The following ZNF396 variants were observed in gnomAD, a reference collection of about 807,000 sequenced individuals.
The protein encoded by ZNF396 is zinc finger protein 396.
In ZNF396, 14 loss-of-function variants were observed where a neutral mutation model predicts 20.5. The ratio of observed to expected loss-of-function variants is 0.68; its 90% CI spans 0.45 to 1.07. The LOEUF is 1.07. ZNF396 is among the 50% of genes least tolerant of loss of function. The pLI is 0.00. For synonymous variants in ZNF396, 119 were observed against 140.6 expected (o/e 0.85, Z 1.08); for missense variants, 347 against 390.1 (o/e 0.89, Z 0.93).
intron 3 of ZNF396, among the ~76,000 whole-genome samples, chr18:35,371,290 C>T (rs745969522): frequency 6.6e-6 from 1 of 151,992 alleles, no homozygotes; most frequent in Non-Finnish European, 1.5e-5. Context: ...ACTAAATAAA[C>T]CTAACTTGAA....
In ZNF396 at chr18:35,377,274, T is replaced by C. The variant is rs1203254111; in HGVS notation, c.-73+4A>G. On this transcript the variant is annotated splice_donor_region_variant and intron_variant, in intron 1 of 3. Transcript: ENST00000589332. Reference sequence around the variant, plus strand: ...GGGGGCCCTAAAGAGGCCTCGGGTCTCACCTCCCGACGCCGTCGGGGAGAA... The same window carrying C: ...GGGGGCCCTAAAGAGGCCTCGGGTCCCACCTCCCGACGCCGTCGGGGAGAA... 1 of 151,876 alleles carries C rather than the reference T, an allele frequency of 6.6e-6. No homozygotes were observed. The highest frequency in any genetic ancestry group is 1.5e-5 in the Non-Finnish European group (1 of 67,950). The allele number at this position is 151,876 out of a possible 1,614,324, so 9.4% of individuals were successfully genotyped here.
At chr18:35,373,335 C>T in intron 3 of ZNF396, 121 bp downstream of exon 3, 10 of 1,194,030 alleles carry the variant, frequency 8.4e-6, no homozygotes, top group South Asian at 7.2e-5. Flanking sequence ...ACAGAAGTTC[C>T]CACAGTAAGG....
In ZNF396 at chr18:35,374,279, A is replaced by G. The variant is rs1258100157; in HGVS notation, c.14T>C (p.Leu5Ser). MSAK[L>S]GKSSSLLTQT... ...TGTTAGGAGTGATGATGACTTTCCC[A>G]ATTTTGCAGACATTTTGACAGACAA... The change falls in exon 2 of 4, where the codon TTG becomes TCG. Residue 5 changes from leucine to serine, a missense_variant. Coordinates refer to ENST00000589332, the MANE Select transcript of ZNF396 (RefSeq NM_001322286.2). The surrounding 1 kb of genome is among the most constrained non-coding windows in gnomAD (Gnocchi z 4.3). 1 of 1,613,454 alleles carries G rather than the reference A, an allele frequency of 6.2e-7. No individual in the cohort carries two copies. The highest frequency in any genetic ancestry group is 1.1e-5 in the South Asian group (1 of 91,056).
chr18:35,369,723 A>G, intron 3 of ZNF396, 63 bp from the exon 4 acceptor site: 1 of 1,437,950 alleles, frequency 7.0e-7, no homozygotes, highest in South Asian at 1.4e-5. Context: ...AATATACATG[A>G]TTATTGCTAG....
chr18:35,376,454 A>G (rs2045258443), intron 1 of ZNF396, among the ~76,000 whole-genome samples: 1 of 152,200 alleles, frequency 6.6e-6, no homozygotes, highest in African/African-American at 2.4e-5. Flanking sequence ...GCCAAGGGCA[A>G]AGCTGGGGTC....
chr18:35,373,820 T>C lies in ZNF396; in HGVS notation c.417+56A>G. 1.1e-5 allele frequency: 17 copies of C among 1,560,054 alleles called. 1 individual carries two copies. The highest frequency in any genetic ancestry group is 4.9e-5 in the South Asian group (4 of 81,944). On this transcript the variant is annotated intron_variant, in intron 2 of 3. Coordinates refer to ENST00000589332, the MANE Select transcript of ZNF396 (RefSeq NM_001322286.2). The stretch of plus-strand genomic sequence containing the variant: ...AGTTTGAGAGCTCTACTCCCAATGA[T>C]GTGCCAGTGCTCTTGACTCAGCCTG...
chr18:35,371,127 T>C (rs1477595963), intron 3 of ZNF396, among the ~76,000 whole-genome samples: 1 of 152,178 alleles, frequency 6.6e-6, no homozygotes, highest in African/African-American at 2.4e-5. Context: ...TTTTACTCTT[T>C]AGAATTTACT....
intron 2 of ZNF396, 82 bp downstream of exon 2, chr18:35,373,792 TAC>T (rs1237399259): frequency 6.5e-6 from 10 of 1,532,250 alleles, no homozygotes; most frequent in African/African-American, 1.4e-5. Flanking sequence ...TGAGTGGGAA[TAC>T]AGTTTGAGAG....
chr18:35,373,722 G>T, intron 2 of ZNF396, 122 bp from the exon 3 acceptor site: 1 of 1,497,858 alleles, frequency 6.7e-7, no homozygotes, highest in Non-Finnish European at 9.0e-7. Flanking sequence ...AAAAAGTAGA[G>T]CCACCTTCTA....
chr18:35,371,281 C>G (rs2045175915), intron 3 of ZNF396, among the ~76,000 whole-genome samples: 1 of 152,086 alleles, frequency 6.6e-6, no homozygotes, highest in Non-Finnish European at 1.5e-5. Flanking sequence ...CTGCAGCAAA[C>G]TAAATAAACC....
intron 1 of ZNF396, among the ~76,000 whole-genome samples, chr18:35,375,816 C>T (rs1325070274): frequency 2.6e-5 from 4 of 152,282 alleles, no homozygotes; most frequent in Middle Eastern, 3.4e-3. Flanking sequence ...GATCTTGGCT[C>T]ACTGCAACCT....
At position 35,366,864 on chromosome 18, in the gene ZNF396, C is replaced by G. The variant is rs576542899; in HGVS notation, c.*2351G>C. The G allele has an allele frequency of 6.6e-5, 10 of 152,284 alleles. No homozygotes were observed. Among genetic ancestry groups the G allele is most frequent in the African/African-American group, 2.2e-4 (9 of 41,562 alleles). 9.4% of individuals were successfully genotyped at this position (152,284 alleles called of 1,614,324 possible). A position where few individuals can be genotyped will look rare whatever the true frequency, so the allele number is the denominator to read the frequency against. On this transcript the variant is annotated 3_prime_UTR_variant, in exon 4 of 4. Transcript: ENST00000589332. Reference sequence around the variant, plus strand: ...ATAATTCAAAGTACACAGAGACACCCTTTAAAGATTCATCATATACTTAGA... The same window carrying G: ...ATAATTCAAAGTACACAGAGACACCGTTTAAAGATTCATCATATACTTAGA...
intron 1 of ZNF396, among the ~76,000 whole-genome samples, chr18:35,376,930 G>A (rs988249974): frequency 2.0e-5 from 3 of 152,078 alleles, no homozygotes; most frequent in African/African-American, 7.3e-5. Flanking sequence ...GGCTCTGGGA[G>A]GGCTGGCTTC....
At chr18:35,375,541 T>G (rs2045245154) in intron 1 of ZNF396, among the ~76,000 whole-genome samples, 1 of 152,144 alleles carries the variant, frequency 6.6e-6, no homozygotes, top group South Asian at 2.1e-4. Flanking sequence ...AAGAGCAAAT[T>G]CTGTCTTGCT....
chr18:35,369,728 T>C, intron 3 of ZNF396, 68 bp from the exon 4 acceptor site: 1 of 1,420,192 alleles, frequency 7.0e-7, no homozygotes, highest in Non-Finnish European at 9.5e-7. Flanking sequence ...ACATGATTAT[T>C]GCTAGCATGT....
At chr18:35,371,468 T>C (rs1429272069) in intron 3 of ZNF396, among the ~76,000 whole-genome samples, 1 of 152,216 alleles carries the variant, frequency 6.6e-6, no homozygotes, top group Non-Finnish European at 1.5e-5. Context: ...TTATTTCTTA[T>C]AGTTATGGAG....
At position 35,368,799 on chromosome 18, in the gene ZNF396, T is replaced by C; in HGVS notation, c.*416A>G. On this transcript the variant is annotated 3_prime_UTR_variant, in exon 4 of 4. Transcript: ENST00000589332. ...TAATTTTTGGTCTTTAGAATTCTAG[T>C]GCTCAAGTTATGAAATGGAGGAGAA... 2 of 992,908 alleles carry C rather than the reference T, an allele frequency of 2.0e-6. No homozygotes were observed. The highest frequency in any genetic ancestry group is 2.4e-6 in the Non-Finnish European group (2 of 835,318). The allele number at this position is 992,908 out of a possible 1,614,324, so 61.5% of individuals were successfully genotyped here.
In ZNF396 at chr18:35,374,166, T is replaced by C. The variant is rs1233170136; in HGVS notation, c.127A>G (p.Ser43Gly). The C allele has an allele frequency of 6.2e-7, 1 of 1,614,240 alleles. No homozygotes were observed. The highest frequency in any genetic ancestry group is 2.2e-5 in the East Asian group (1 of 44,886). The part of the protein sequence containing the change: ...TCDPDSSLHW[S>G]SSYSPETFRQ... ...AAGGTCTCTGGGCTGTAGCTGCTGC[T>C]CCAGTGGAGGCTAGAGTCTGGATCA... The change falls in exon 2 of 4, where the codon AGC (serine) becomes GGC (glycine). Residue 43 changes from serine to glycine, a missense_variant. By Grantham distance (56) the Ser-to-Gly change is moderately conservative (BLOSUM62 0). Transcript: ENST00000589332. This position sits in a 1 kb window ranked among gnomAD's most constrained non-coding sequence, Gnocchi z 4.3.
chr18:35,368,688 G>A lies in ZNF396; in HGVS notation c.*527C>T, dbSNP rs2045130020. 4.4e-6 allele frequency: 4 copies of A among 915,932 alleles called. No homozygotes were observed. Among genetic ancestry groups the A allele is most frequent in the East Asian group, 1.1e-4 (1 of 8,940 alleles). 56.7% of individuals were successfully genotyped at this position (915,932 alleles called of 1,614,324 possible). A position where few individuals can be genotyped will look rare whatever the true frequency, so the allele number is the denominator to read the frequency against. ...GCTGGTCTTGAACTCCTGAGTTCAGGCAATCTGCCTGCCTCGGCCTCCCAA... is the reference window on the plus strand; with the variant it reads ...GCTGGTCTTGAACTCCTGAGTTCAGACAATCTGCCTGCCTCGGCCTCCCAA... On this transcript the variant is annotated 3_prime_UTR_variant, in exon 4 of 4. Transcript: ENST00000589332.
Sources: allele counts gnomAD v4.1 joint callset (sites outside exome capture counted in the v4.1 genomes callset), GRCh38; gene constraint gnomAD v4.1.1; non-coding constraint Gnocchi (gnomAD v3.1); transcripts MANE v1.5; gene names NCBI Gene and HGNC (gene_info 2026-07-23, HGNC 2026-07-21).